Variants in APBB2 observed in about 807,000 individuals in gnomAD.
The protein encoded by APBB2 is amyloid beta precursor protein binding family B member 2.
Under a neutral mutation model 82.5 loss-of-function variants are expected in APBB2, and 38 were observed. The observed-to-expected ratio is 0.46, with a 90% confidence interval of 0.36 to 0.60. APBB2 has a LOEUF of 0.60. Ranked by LOEUF, APBB2 falls within the 20% of genes least tolerant of loss-of-function variation. The pLI is 0.00. For synonymous variants in APBB2, 341 were observed against 368.2 expected, an observed-to-expected ratio of 0.93 and a Z score of 0.85; for missense variants, 772 against 972.3, an observed-to-expected ratio of 0.79 and a Z score of 2.74.
At chr4:40,840,608 T>C (rs2154312944) in intron 12 of APBB2, among the ~76,000 whole-genome samples, 1 of 152,294 alleles carries the variant, frequency 6.6e-6, no homozygotes, top group East Asian at 1.9e-4. Flanking sequence ...CTTTGCAAGC[T>C]TAAAAAGATG....
chr4:40,966,712 CT>C (rs546876660), intron 6 of APBB2, among the ~76,000 whole-genome samples: 1 of 152,342 alleles, frequency 6.6e-6, no homozygotes, highest in East Asian at 1.9e-4. Context: ...CCTCAGCCCC[CT>C]CCAAACTTTG....
In APBB2 at chr4:41,149,375, T is replaced by A. The variant is rs113895687; in HGVS notation, c.-416-6233A>T. On this transcript the variant is annotated intron_variant, in intron 1 of 17. Transcript: ENST00000508593. ...AGCAAAGTTTCTTTTTTAAAAAAAATTTTTATTTAATTAAAAGTCCTGAGA... is the reference window on the plus strand; with the variant it reads ...AGCAAAGTTTCTTTTTTAAAAAAAAATTTTATTTAATTAAAAGTCCTGAGA... Among the ~76,000 whole-genome samples, 823 of 151,232 alleles carry A rather than the reference T, an allele frequency of 5.4e-3. 10 individuals carry two copies. The highest frequency in any genetic ancestry group is 0.019 in the African/African-American group (777 of 41,428).
intron 7 of APBB2, among the ~76,000 whole-genome samples, chr4:40,936,717 T>C (rs1785458031): frequency 6.6e-6 from 1 of 152,246 alleles, no homozygotes; most frequent in Non-Finnish European, 1.5e-5. Flanking sequence ...CCACTATATT[T>C]ACTTTTAAAA....
chr4:41,042,501 T>C (rs1218325410), intron 4 of APBB2, among the ~76,000 whole-genome samples: 1 of 152,194 alleles, frequency 6.6e-6, no homozygotes, highest in African/African-American at 2.4e-5. Flanking sequence ...CTCAACTGTG[T>C]TGTTTTGGCC....
intron 11 of APBB2, chr4:40,890,758 A>G (rs1771773427): frequency 5.7e-6 from 2 of 352,782 alleles, no homozygotes; most frequent in Non-Finnish European, 1.0e-5. Context: ...TTAATTATTT[A>G]CACTTCTGAA....
At position 41,106,188 on chromosome 4, in the gene APBB2, T is replaced by C. The variant is rs982190708; in HGVS notation, c.-260-5438A>G. 4.6e-5 allele frequency among the ~76,000 whole-genome samples: 7 copies of C among 152,202 alleles called. No individual in the cohort carries two copies. The East Asian group carries it at 5.8e-4, about 13-fold the overall frequency. On this transcript the variant is annotated intron_variant, in intron 2 of 17. Coordinates refer to ENST00000508593, the MANE Select transcript of APBB2 (RefSeq NM_004307.2). The stretch of plus-strand genomic sequence containing the variant: ...GGGTAACCAATTTTCAGAGTCTACC[T>C]AGAAAACACACAGAAACTATATTCT...
intron 2 of APBB2, among the ~76,000 whole-genome samples, chr4:41,113,053 A>T (rs942060430): frequency 6.6e-6 from 1 of 152,186 alleles, no homozygotes; most frequent in African/African-American, 2.4e-5. Flanking sequence ...GCTCAACAGA[A>T]AACAACGAGC....
chr4:41,119,738 C>CCACA (rs1391173309), intron 2 of APBB2, among the ~76,000 whole-genome samples: 2 of 151,554 alleles, frequency 1.3e-5, no homozygotes, highest in Non-Finnish European at 2.9e-5. Flanking sequence ...ACAAGAGACT[C>CCACA]CACACTGCAT....
chr4:41,014,142 A>G lies in APBB2; in HGVS notation c.276T>C (p.Asn92=). ...SDPAAQPLLG[N]GSANIKLVKN... ...TCACCAGCTTGATGTTGGCAGAGCC[A>G]TTTCCCAGCAGGGGCTGTGCAGCTG... is the stretch of plus-strand genomic sequence containing the variant. The change falls in exon 6 of 18, where the codon AAT becomes AAC. Residue 92 remains asparagine, a synonymous_variant. Coordinates refer to ENST00000508593, the MANE Select transcript of APBB2 (RefSeq NM_004307.2). The G allele has an allele frequency of 6.2e-7, 1 of 1,614,086 alleles. No homozygotes were observed. Among genetic ancestry groups the G allele is most frequent in the Non-Finnish European group, 8.5e-7 (1 of 1,180,012 alleles).
intron 1 of APBB2, among the ~76,000 whole-genome samples, chr4:41,143,771 G>A (rs918931586): frequency 1.3e-4 from 20 of 152,180 alleles, no homozygotes; most frequent in Admixed American, 2.6e-4. Flanking sequence ...AAGGGGAAAC[G>A]AATAATCTTT....
chr4:41,211,226 G>A (rs1779235611), intron 1 of APBB2, among the ~76,000 whole-genome samples: 1 of 151,922 alleles, frequency 6.6e-6, no homozygotes. Flanking sequence ...CTACACTCCA[G>A]CCTGGGTGAC....
chr4:41,207,892 GA>G (rs1365172844), intron 1 of APBB2: 1 of 152,102 alleles, frequency 6.6e-6, no homozygotes, highest in East Asian at 1.9e-4. Flanking sequence ...AATCATAAAA[GA>G]ATCTTACCCA....
chr4:41,151,986 A>G (rs901113944), intron 1 of APBB2, among the ~76,000 whole-genome samples: 4 of 152,140 alleles, frequency 2.6e-5, no homozygotes, highest in African/African-American at 9.7e-5. Flanking sequence ...TGGAACTCAG[A>G]AGAGATCTCG....
chr4:40,835,540 G>A (rs987063383), intron 12 of APBB2, among the ~76,000 whole-genome samples: 1 of 152,212 alleles, frequency 6.6e-6, no homozygotes, highest in Non-Finnish European at 1.5e-5. Context: ...AGTTGTTTGC[G>A]AGAACTCCCA....
intron 4 of APBB2, among the ~76,000 whole-genome samples, chr4:41,039,696 C>A (rs1035519326): frequency 6.6e-6 from 1 of 152,046 alleles, no homozygotes; most frequent in African/African-American, 2.4e-5. Flanking sequence ...CTCATCTCCA[C>A]AAAAAATTTA....
intron 1 of APBB2, among the ~76,000 whole-genome samples, chr4:41,205,395 T>C (rs1030648155): frequency 3.9e-5 from 6 of 152,160 alleles, no homozygotes; most frequent in Admixed American, 2.0e-4. Flanking sequence ...CTTCCCATTT[T>C]CTCACCATTC....
chr4:41,007,215 T>C (rs1051709659), intron 6 of APBB2, among the ~76,000 whole-genome samples: 1 of 151,976 alleles, frequency 6.6e-6, no homozygotes, highest in African/African-American at 2.4e-5. Flanking sequence ...GACTGGTGTC[T>C]TTATGAGAAG....
chr4:41,176,834 CTTA>C (rs1197654781), intron 1 of APBB2, among the ~76,000 whole-genome samples: 1 of 152,064 alleles, frequency 6.6e-6, no homozygotes, highest in Non-Finnish European at 1.5e-5. Flanking sequence ...AATTTGAGAT[CTTA>C]TTAATATCTA....
chr4:40,810,618 G>C lies in APBB2; in HGVS notation c.*5474C>G. On this transcript the variant is annotated 3_prime_UTR_variant, in exon 18 of 18. Transcript: ENST00000508593. ...AAAAAAAAAGTGTCAATGAAGAAAGGAAACAAGACTTTTTATAGTTGAACC... is the reference window on the plus strand; with the variant it reads ...AAAAAAAAAGTGTCAATGAAGAAAGCAAACAAGACTTTTTATAGTTGAACC... The C allele has an allele frequency of 6.9e-6, 1 of 145,756 alleles. No homozygotes were observed. The highest frequency in any genetic ancestry group is 3.3e-3 in the Middle Eastern group (1 of 304). The allele number at this position is 145,756 out of a possible 1,614,324, so 9.0% of individuals were successfully genotyped here.
Sources: allele counts gnomAD v4.1 joint callset (sites outside exome capture counted in the v4.1 genomes callset), GRCh38; gene constraint gnomAD v4.1.1; transcripts MANE v1.5; gene names NCBI Gene and HGNC (gene_info 2026-07-23, HGNC 2026-07-21).